The following RGL1 variants were observed in gnomAD, a reference collection of about 807,000 sequenced individuals.
RGL1 encodes ral guanine nucleotide dissociation stimulator like 1.
RGL1 carries 24 observed loss-of-function variants against 95.2 expected under a neutral mutation model. That is an observed-to-expected ratio of 0.25 (90% confidence interval 0.18 to 0.35). The LOEUF (loss-of-function observed/expected upper bound fraction) is 0.35. Ranked by LOEUF, RGL1 falls within the 10% of genes least tolerant of loss-of-function variation. RGL1 has a pLI of 1.00. For missense variants in RGL1, 715 were observed against 936.3 expected (o/e 0.76, Z 3.08); for synonymous variants, 329 against 344.9 (o/e 0.95, Z 0.51).
chr1:183,848,560 G>A (rs1484156716), intron 3 of RGL1, among the ~76,000 whole-genome samples: 1 of 152,160 alleles, frequency 6.6e-6, no homozygotes, highest in Admixed American at 6.5e-5. Context: ...TGGGCTTGTT[G>A]AGTATTGATG....
At chr1:183,649,734 C>T (rs1039118931) in intron 1 of RGL1, among the ~76,000 whole-genome samples, 4 of 152,158 alleles carry the variant, frequency 2.6e-5, no homozygotes, top group African/African-American at 9.7e-5. Flanking sequence ...ACTCAAAAAG[C>T]TGAGATCTTT....
chr1:183,725,279 A>G (rs1656249223), intron 1 of RGL1, among the ~76,000 whole-genome samples: 1 of 152,152 alleles, frequency 6.6e-6, no homozygotes, highest in African/African-American at 2.4e-5. Context: ...CTGTTCTCAC[A>G]CTGCTATAAA....
chr1:183,726,297 A>G (rs1050718729), intron 1 of RGL1, among the ~76,000 whole-genome samples: 1 of 152,100 alleles, frequency 6.6e-6, no homozygotes, highest in African/African-American at 2.4e-5. Flanking sequence ...GAAGAGAAAT[A>G]AATGAAATAG....
chr1:183,821,734 G>A (rs1662505267), intron 2 of RGL1, among the ~76,000 whole-genome samples: 1 of 152,128 alleles, frequency 6.6e-6, no homozygotes, highest in Admixed American at 6.5e-5. Context: ...CTGAAAGCTG[G>A]ACCTGTGTGC....
chr1:183,808,351 A>G (rs150833118), intron 2 of RGL1, among the ~76,000 whole-genome samples: 6 of 152,314 alleles, frequency 3.9e-5, no homozygotes, highest in African/African-American at 1.4e-4. Context: ...ATAATGTGAA[A>G]AGATTGGCTC....
intron 1 of RGL1, among the ~76,000 whole-genome samples, chr1:183,706,194 G>A (rs1383534467): frequency 1.3e-5 from 2 of 152,120 alleles, no homozygotes; most frequent in African/African-American, 4.8e-5. Context: ...AGCAGAGTTG[G>A]GCATGAGGGC....
upstream of RGL1, among the ~76,000 whole-genome samples, chr1:183,800,538 CT>C (rs1660935270): frequency 1.3e-5 from 2 of 152,168 alleles, no homozygotes; most frequent in Admixed American, 6.5e-5. Context: ...AGATCTTCCC[CT>C]ATTTAGCAGA....
At chr1:183,922,414 A>C in intron 17 of RGL1, 78 bp downstream of exon 17, 1 of 1,061,402 alleles carries the variant, frequency 9.4e-7, no homozygotes. Flanking sequence ...CCGCGTTTAG[A>C]AGGCAGAAAA....
intron 15 of RGL1, among the ~76,000 whole-genome samples, chr1:183,915,772 C>A (rs976722410): frequency 6.6e-6 from 1 of 152,200 alleles, no homozygotes; most frequent in Admixed American, 6.5e-5. Context: ...TTATTGTCAT[C>A]AGCCACAGGC....
At chr1:183,842,472 G>A (rs749364470) in intron 2 of RGL1, among the ~76,000 whole-genome samples, 2 of 151,636 alleles carry the variant, frequency 1.3e-5, no homozygotes, top group African/African-American at 2.4e-5. Flanking sequence ...TTTCCTCTCC[G>A]TCTCATGCCA....
chr1:183,737,033 A>T (rs1376878304), intron 1 of RGL1, among the ~76,000 whole-genome samples: 2 of 152,200 alleles, frequency 1.3e-5, no homozygotes, highest in Admixed American at 1.3e-4. Flanking sequence ...AGGAAAGTAA[A>T]ATTCAATAAA....
chr1:183,691,172 T>C (rs951522353), intron 1 of RGL1, among the ~76,000 whole-genome samples: 1 of 152,226 alleles, frequency 6.6e-6, no homozygotes, highest in African/African-American at 2.4e-5. Context: ...AAATCTGCAT[T>C]TCATCATAAA....
intron 13 of RGL1, among the ~76,000 whole-genome samples, chr1:183,906,125 T>A (rs1187074430): frequency 6.6e-6 from 1 of 151,922 alleles, no homozygotes; most frequent in Non-Finnish European, 1.5e-5. Flanking sequence ...AAAAAAAAAC[T>A]TGAGGTTTAG....
intron 2 of RGL1, among the ~76,000 whole-genome samples, chr1:183,789,724 C>T (rs1249238260): frequency 6.6e-6 from 1 of 152,072 alleles, no homozygotes; most frequent in African/African-American, 2.4e-5. Context: ...GGCTGCTTGT[C>T]ACAGATCTAT....
At chr1:183,791,861 T>G (rs968471356) in intron 2 of RGL1, among the ~76,000 whole-genome samples, 1 of 152,218 alleles carries the variant, frequency 6.6e-6, no homozygotes, top group Non-Finnish European at 1.5e-5. Context: ...TATTTTTGTT[T>G]TTCCTTCTTC....
At chr1:183,872,562 C>G (rs541182095) in intron 4 of RGL1, among the ~76,000 whole-genome samples, 1 of 152,096 alleles carries the variant, frequency 6.6e-6, no homozygotes, top group Non-Finnish European at 1.5e-5. Flanking sequence ...GTATATTGTT[C>G]TTGTAATCTT....
chr1:183,668,426 C>G (rs1314811646), intron 1 of RGL1, among the ~76,000 whole-genome samples: 3 of 148,758 alleles, frequency 2.0e-5, no homozygotes, highest in Non-Finnish European at 4.4e-5. Context: ...TTTATCTTTA[C>G]TTCTGTGTTC....
chr1:183,756,978 A>G (rs1658373191), intron 2 of RGL1, among the ~76,000 whole-genome samples: 1 of 148,732 alleles, frequency 6.7e-6, no homozygotes. Flanking sequence ...AAGGTGATTC[A>G]TTTGACTCAC....
At chr1:183,658,088 C>T (rs552644908) in intron 1 of RGL1, among the ~76,000 whole-genome samples, 3 of 152,216 alleles carry the variant, frequency 2.0e-5, no homozygotes, top group South Asian at 2.1e-4. Context: ...CCGAGATGGC[C>T]GAATAGGAAC....
Sources: allele counts gnomAD v4.1 joint callset (sites outside exome capture counted in the v4.1 genomes callset), GRCh38; gene constraint gnomAD v4.1.1; transcripts MANE v1.5; gene names NCBI Gene and HGNC (gene_info 2026-07-23, HGNC 2026-07-21).